Variants in TTC38 observed in about 807,000 individuals in gnomAD.
The protein encoded by TTC38 is tetratricopeptide repeat protein 38.
In TTC38, 64 loss-of-function variants were observed where a neutral mutation model predicts 64.2. That is an observed-to-expected ratio of 1.00 (90% confidence interval 0.81 to 1.23). The LOEUF (loss-of-function observed/expected upper bound fraction) is 1.23. TTC38 is among the 50% of genes most tolerant of loss of function. The pLI is 0.00. For missense variants in TTC38, 573 were observed against 615.5 expected (o/e 0.93, Z 0.73); for synonymous variants, 254 against 249.3 (o/e 1.02, Z -0.18).
intron 5 of TTC38, among the ~76,000 whole-genome samples, chr22:46,277,646 G>T (rs536633525): frequency 6.6e-6 from 1 of 151,178 alleles, no homozygotes; most frequent in Non-Finnish European, 1.5e-5. Context: ...GATTGGAAGC[G>T]TGCAATTATT....
Position 46,281,877 on chromosome 22 carries a change from A to C in TTC38, c.735+159A>C. The C allele has an allele frequency of 1.0e-6, 1 of 978,758 alleles. No homozygotes were observed. The highest frequency in any genetic ancestry group is 1.6e-6 in the Non-Finnish European group (1 of 640,642). The allele number at this position is 978,758 out of a possible 1,614,324, so 60.6% of individuals were successfully genotyped here. On this transcript the variant is annotated intron_variant, in intron 7 of 13. Coordinates refer to ENST00000381031, the MANE Select transcript of TTC38 (RefSeq NM_017931.4). This position sits in a 1 kb window ranked among gnomAD's most constrained non-coding sequence, Gnocchi z 5.2. ...TGCCTCAGGTGTTTGGCTGCTGAGCAGAATGCAATCAAGATTCCAGTCCCC... is the reference window on the plus strand; with the variant it reads ...TGCCTCAGGTGTTTGGCTGCTGAGCCGAATGCAATCAAGATTCCAGTCCCC...
chr22:46,277,046 T>TACACACACACAC (rs4044315), intron 5 of TTC38, among the ~76,000 whole-genome samples: 1 of 131,272 alleles, frequency 7.6e-6, no homozygotes, highest in African/African-American at 3.0e-5. Flanking sequence ...TATATATACA[T>TACACACACACAC]ACACACACAC....
chr22:46,292,678 C>T lies in TTC38; in HGVS notation c.1317-113C>T, dbSNP rs1312427103. ...CCCCTGGGCCTTGGCCCTTGCTGTT[C>T]CCTCAGTGCCGCAGTCTAGCCTGCC... On this transcript the variant is annotated intron_variant, in intron 13 of 13. Coordinates refer to ENST00000381031, the MANE Select transcript of TTC38 (RefSeq NM_017931.4). This position sits in a 1 kb window ranked among gnomAD's most constrained non-coding sequence, Gnocchi z 6.5. 6 of 944,790 alleles carry T rather than the reference C, an allele frequency of 6.4e-6. No homozygotes were observed. The African/African-American group carries it at 9.7e-5, about 15-fold the overall frequency. 58.5% of individuals were successfully genotyped at this position (944,790 alleles called of 1,614,324 possible). A position where few individuals can be genotyped will look rare whatever the true frequency, so the allele number is the denominator to read the frequency against.
chr22:46,289,628 C>T, intron 12 of TTC38, 67 bp downstream of exon 12: 2 of 1,533,146 alleles, frequency 1.3e-6, no homozygotes, highest in Non-Finnish European at 1.8e-6. Context: ...CCCCGCAGCC[C>T]CCAAGTTTCT....
chr22:46,278,565 G>T (rs2077510053), intron 5 of TTC38, 21 bp from the exon 6 acceptor site: 3 of 1,603,714 alleles, frequency 1.9e-6, no homozygotes, highest in Non-Finnish European at 2.6e-6. Context: ...TGTATTCTGA[G>T]ATCTTTTTTT....
chr22:46,289,506 A>G lies in TTC38; in HGVS notation c.1187A>G (p.Glu396Gly), dbSNP rs766946131. 1 of 1,607,746 alleles carries G rather than the reference A, an allele frequency of 6.2e-7. No individual in the cohort carries two copies. Among genetic ancestry groups the G allele is most frequent in the Non-Finnish European group, 8.5e-7 (1 of 1,179,226 alleles). The change falls in exon 12 of 14, where the codon GAG (glutamate) becomes GGG (glycine). Residue 396 changes from glutamate to glycine, a missense_variant. Around this residue, in one of 3 missense-constraint regions of TTC38, gnomAD observed 371 missense variants for 381.8 expected, o/e 0.97. Coordinates refer to ENST00000381031, the MANE Select transcript of TTC38 (RefSeq NM_017931.4). ...GACGGGAACCCTGACCGCGTCCTGG[A>G]GCTGCTCCTGCCCATCCGCTACCGG... ...AEDGNPDRVL[E>G]LLLPIRYRIV... is the part of the protein sequence containing the mutation.
In TTC38 at chr22:46,292,673, C is replaced by A; in HGVS notation, c.1317-118C>A. Reference sequence around the variant, plus strand: ...TCCTGCCCCTGGGCCTTGGCCCTTGCTGTTCCCTCAGTGCCGCAGTCTAGC... The same window carrying A: ...TCCTGCCCCTGGGCCTTGGCCCTTGATGTTCCCTCAGTGCCGCAGTCTAGC... On this transcript the variant is annotated intron_variant, in intron 13 of 13. Transcript: ENST00000381031. This position sits in a 1 kb window ranked among gnomAD's most constrained non-coding sequence, Gnocchi z 6.5. 1.1e-6 allele frequency: 1 copy of A among 908,866 alleles called. No individual in the cohort carries two copies. The highest frequency in any genetic ancestry group is 1.8e-6 in the Non-Finnish European group (1 of 567,502). 56.3% of individuals were successfully genotyped at this position (908,866 alleles called of 1,614,324 possible). A position where few individuals can be genotyped will look rare whatever the true frequency, so the allele number is the denominator to read the frequency against.
rs763061174 is a variant in TTC38, at chr22:46,288,429, C to T, written c.923C>T (p.Ser308Phe). The part of the protein sequence containing the change: ...MLYRLQMEGV[S>F]VGQRWQDVLP... ...CTCCTCCCCATGTCCTCAGGAGTGT[C>T]TGTGGGCCAGCGGTGGCAGGATGTC... The change falls in exon 11 of 14, where the codon TCT (serine) becomes TTT (phenylalanine). Residue 308 changes from serine (S) to phenylalanine (F), a missense_variant. Around this residue, in one of 3 missense-constraint regions of TTC38, gnomAD observed 371 missense variants for 381.8 expected, o/e 0.97. Coordinates refer to ENST00000381031, the MANE Select transcript of TTC38 (RefSeq NM_017931.4). The T allele has an allele frequency of 1.2e-6, 2 of 1,613,412 alleles. No individual in the cohort carries two copies. Among genetic ancestry groups the T allele is most frequent in the Non-Finnish European group, 1.7e-6 (2 of 1,179,608 alleles).
At position 46,273,785 on chromosome 22, in the gene TTC38, G is replaced by A; in HGVS notation, c.194-113G>A. ...GGGCCACAGTGCCCAGCCTGCTGCT[G>A]CCTGGCTGGCCCCTCCTGGGACGTG... On this transcript the variant is annotated intron_variant, in intron 3 of 13. Coordinates refer to ENST00000381031, the MANE Select transcript of TTC38 (RefSeq NM_017931.4). The surrounding 1 kb of genome is among the most constrained non-coding windows in gnomAD (Gnocchi z 5.1). 6 of 1,033,066 alleles carry A rather than the reference G, an allele frequency of 5.8e-6. No individual in the cohort carries two copies. Among genetic ancestry groups the A allele is most frequent in the Non-Finnish European group, 7.1e-6 (5 of 702,986 alleles). 64.0% of individuals were successfully genotyped at this position (1,033,066 alleles called of 1,614,324 possible).
rs747477138 is a variant in TTC38 at position 46,270,495 on chromosome 22, A to T, written c.112-1840A>T. Among the ~76,000 whole-genome samples, 2 of 152,222 alleles carry T rather than the reference A, an allele frequency of 1.3e-5. No homozygotes were observed. Among genetic ancestry groups the T allele is most frequent in the Non-Finnish European group, 2.9e-5 (2 of 68,038 alleles). Reference sequence around the variant, plus strand: ...ATAGGTCTAGGACTTTTTTTAAAACAGGCATTTGAGTAAAGGACCAGGTAC... The same window carrying T: ...ATAGGTCTAGGACTTTTTTTAAAACTGGCATTTGAGTAAAGGACCAGGTAC... On this transcript the variant is annotated intron_variant, in intron 2 of 13. Coordinates refer to ENST00000381031, the MANE Select transcript of TTC38 (RefSeq NM_017931.4). This position sits in a 1 kb window ranked among gnomAD's most constrained non-coding sequence, Gnocchi z 4.7.
chr22:46,288,298 C>T (rs1006486410), intron 10 of TTC38, 125 bp from the exon 11 acceptor site: 2 of 982,994 alleles, frequency 2.0e-6, no homozygotes, highest in African/African-American at 3.3e-5. Context: ...CTGCCCACCT[C>T]CCCGGCCTCT....
Position 46,276,982 on chromosome 22 carries a change from C to T in TTC38, c.539+1561C>T, listed in dbSNP as rs2077494899. The stretch of plus-strand genomic sequence containing the variant: ...CTAATAGTACCTGACACACAGCAAA[C>T]ATACAATAAATAGCTTAAGTGTTGA... On this transcript the variant is annotated intron_variant, in intron 5 of 13. Coordinates refer to ENST00000381031, the MANE Select transcript of TTC38 (RefSeq NM_017931.4). This position sits in a 1 kb window ranked among gnomAD's most constrained non-coding sequence, Gnocchi z 4.7. 6.7e-6 allele frequency among the ~76,000 whole-genome samples: 1 copy of T among 150,038 alleles called. No individual in the cohort carries two copies. Among genetic ancestry groups the T allele is most frequent in the Non-Finnish European group, 1.5e-5 (1 of 67,704 alleles).
rs57859102 is a variant in TTC38 at position 46,276,824 on chromosome 22, AAT to A, written c.539+1419_539+1420del. On this transcript the variant is annotated intron_variant, in intron 5 of 13. Transcript: ENST00000381031. This position sits in a 1 kb window ranked among gnomAD's most constrained non-coding sequence, Gnocchi z 4.7. The stretch of plus-strand genomic sequence containing the variant: ...ATTATATATTAAAATATATATATTA[AAT>A]ATATATATATATATAAACATATATA... Among the ~76,000 whole-genome samples, 5,701 of 139,500 alleles carry A rather than the reference AAT, an allele frequency of 0.041. 370 individuals are homozygous for A. Among genetic ancestry groups the A allele is most frequent in the African/African-American group, 0.14 (5,135 of 36,148 alleles). The allele number at this position is 139,500 out of a possible 152,430, so 91.5% of individuals were successfully genotyped here.
intron 9 of TTC38, 92 bp from the exon 10 acceptor site, chr22:46,286,981 C>T (rs751095085): frequency 1.0e-5 from 10 of 991,470 alleles, no homozygotes; most frequent in Non-Finnish European, 1.5e-5. Flanking sequence ...TATGCAGGCC[C>T]CACCCCACCT....
At position 46,271,964 on chromosome 22, in the gene TTC38, T is replaced by C. The variant is rs574943918; in HGVS notation, c.112-371T>C. On this transcript the variant is annotated intron_variant, in intron 2 of 13. Transcript: ENST00000381031. This position sits in a 1 kb window ranked among gnomAD's most constrained non-coding sequence, Gnocchi z 5.5. ...GTTAGAGTCCAGAAAATACTCAGTGTTCTACAAAGAAAAACAAATCTGGAT... is the reference window on the plus strand; with the variant it reads ...GTTAGAGTCCAGAAAATACTCAGTGCTCTACAAAGAAAAACAAATCTGGAT... 1.3e-5 allele frequency among the ~76,000 whole-genome samples: 2 copies of C among 152,322 alleles called. No homozygotes were observed. The highest frequency in any genetic ancestry group is 3.9e-4 in the East Asian group (2 of 5,178).
Position 46,292,380 on chromosome 22 carries a change from G to A in TTC38, c.1317-411G>A. The A allele has an allele frequency of 3.2e-6, 1 of 310,176 alleles. No individual in the cohort carries two copies. Among genetic ancestry groups the A allele is most frequent in the South Asian group, 2.9e-5 (1 of 34,508 alleles). The allele number at this position is 310,176 out of a possible 1,614,324, so 19.2% of individuals were successfully genotyped here. Reference sequence around the variant, plus strand: ...ATAAGGGCACTAATCCCATTCACAAGGGCCCCACCCTCATGACTTAATCAC... The same window carrying A: ...ATAAGGGCACTAATCCCATTCACAAAGGCCCCACCCTCATGACTTAATCAC... On this transcript the variant is annotated intron_variant, in intron 13 of 13. Coordinates refer to ENST00000381031, the MANE Select transcript of TTC38 (RefSeq NM_017931.4). This position sits in a 1 kb window ranked among gnomAD's most constrained non-coding sequence, Gnocchi z 6.5.
chr22:46,286,708 G>A (rs554372802), intron 9 of TTC38, among the ~76,000 whole-genome samples: 20 of 151,934 alleles, frequency 1.3e-4, no homozygotes, highest in East Asian at 5.8e-4. Flanking sequence ...GACATACACC[G>A]TGAGCTCGAG....
At position 46,287,084 on chromosome 22, in the gene TTC38, C is replaced by T; in HGVS notation, c.846C>T (p.Ser282=). ...LTIYDTHILP[S]LQANDAMLDV... ...GCCCTGTCTTCCAGATCCTTCCCAG[C>T]CTGCAGGCCAACGATGCAATGCTGG... The change falls in exon 10 of 14, where the codon AGC becomes AGT. Residue 282 remains serine (S), a synonymous_variant. Transcript: ENST00000381031. 1 of 1,601,662 alleles carries T rather than the reference C, an allele frequency of 6.2e-7. No individual in the cohort carries two copies. Among genetic ancestry groups the T allele is most frequent in the Non-Finnish European group, 8.5e-7 (1 of 1,175,460 alleles).
Position 46,272,526 on chromosome 22 carries a change from C to G in TTC38, c.193+110C>G. On this transcript the variant is annotated intron_variant, in intron 3 of 13. Coordinates refer to ENST00000381031, the MANE Select transcript of TTC38 (RefSeq NM_017931.4). This position sits in a 1 kb window ranked among gnomAD's most constrained non-coding sequence, Gnocchi z 6.4. ...ATGGGGAAGGCAGGTTGGGTGGCAG[C>G]AACCAGGGTGGCATTTGCACAGAGG... 1 of 857,136 alleles carries G rather than the reference C, an allele frequency of 1.2e-6. No individual in the cohort carries two copies. The highest frequency in any genetic ancestry group is 1.5e-5 in the South Asian group (1 of 67,506). 53.1% of individuals were successfully genotyped at this position (857,136 alleles called of 1,614,324 possible).
Sources: gnomAD v4.1 joint callset for allele counts (sites outside exome capture counted in the v4.1 genomes callset) on GRCh38, gnomAD v4.1.1 for gene constraint, gnomAD v4.1.1 regional missense constraint, Gnocchi (gnomAD v3.1) non-coding constraint, MANE v1.5 for transcripts, NCBI Gene and HGNC (gene_info 2026-07-23, HGNC 2026-07-21) for gene names.